Variants in PTPRN2 observed in about 807,000 individuals in gnomAD.
PTPRN2 encodes protein tyrosine phosphatase receptor type N2.
In PTPRN2, 74 loss-of-function variants were observed where a neutral mutation model predicts 118.8. The ratio of observed to expected loss-of-function variants is 0.62; its 90% confidence interval spans 0.52 to 0.76. The LOEUF (loss-of-function observed/expected upper bound fraction) is 0.76. PTPRN2 is among the 30% of genes least tolerant of loss of function. The probability of loss-of-function intolerance (pLI) is 0.00; values close to 1 mark genes in which losing one functional copy is unlikely to be tolerated. For synonymous variants in PTPRN2, 641 were observed against 608.0 expected (o/e 1.05, Z -0.80); for missense variants, 1,481 against 1,394.4 (o/e 1.06, Z -0.99).
chr7:158,185,503 T>C (rs1825061234), intron 5 of PTPRN2, among the ~76,000 whole-genome samples: 1 of 152,230 alleles, frequency 6.6e-6, no homozygotes, highest in South Asian at 2.1e-4. Context: ...TTTAGTACTC[T>C]CATATATTTC....
intron 12 of PTPRN2, among the ~76,000 whole-genome samples, chr7:157,714,702 C>T (rs980973046): frequency 1.3e-5 from 2 of 152,328 alleles, no homozygotes; most frequent in African/African-American, 2.4e-5. Context: ...CCCAGTCCGA[C>T]GTGCTTCTCC....
intron 1 of PTPRN2, among the ~76,000 whole-genome samples, chr7:158,492,695 T>C (rs1821545881): frequency 1.3e-5 from 2 of 152,254 alleles, no homozygotes; most frequent in South Asian, 4.1e-4. Context: ...ATTTGACTGC[T>C]AAGTTATTTG....
At chr7:157,749,156 G>C (rs1360843959) in intron 12 of PTPRN2, among the ~76,000 whole-genome samples, 2 of 18,180 alleles carry the variant, frequency 1.1e-4, no homozygotes, top group Non-Finnish European at 2.1e-4. Context: ...GTGGGCTGTT[G>C]AGGTGATTCT....
intron 12 of PTPRN2, among the ~76,000 whole-genome samples, chr7:157,705,058 G>A (rs1359193879): frequency 6.6e-6 from 1 of 152,146 alleles, no homozygotes; most frequent in African/African-American, 2.4e-5. Flanking sequence ...CTGTAATCCA[G>A]CACTTTGGGA....
At chr7:158,322,226 C>T (rs776967907) in intron 2 of PTPRN2, among the ~76,000 whole-genome samples, 1 of 152,224 alleles carries the variant, frequency 6.6e-6, no homozygotes, top group Admixed American at 6.5e-5. Context: ...GCCAGGACAG[C>T]CGGGAGACAC....
chr7:158,470,946 G>A (rs986887625), intron 2 of PTPRN2, among the ~76,000 whole-genome samples: 21 of 151,982 alleles, frequency 1.4e-4, no homozygotes, highest in African/African-American at 4.4e-4. Context: ...CGATTCTCCT[G>A]CCTCAACCTC....
intron 11 of PTPRN2, among the ~76,000 whole-genome samples, chr7:157,934,922 G>T (rs1799610537): frequency 6.6e-6 from 1 of 152,188 alleles, no homozygotes; most frequent in Non-Finnish European, 1.5e-5. Context: ...GTTTTTGCTG[G>T]AGATAGAACT....
intron 1 of PTPRN2, among the ~76,000 whole-genome samples, chr7:158,515,463 A>C (rs1360658608): frequency 6.6e-6 from 1 of 152,150 alleles, no homozygotes; most frequent in Admixed American, 6.6e-5. Flanking sequence ...CTGGGATTAC[A>C]AGCGTGAGCC....
chr7:158,356,124 A>C (rs1563194366), intron 2 of PTPRN2, among the ~76,000 whole-genome samples: 1 of 152,234 alleles, frequency 6.6e-6, no homozygotes, highest in African/African-American at 2.4e-5. Context: ...GTAAATGATT[A>C]AAGTTTTCAC....
intron 11 of PTPRN2, among the ~76,000 whole-genome samples, chr7:157,961,001 C>A (rs368713293): frequency 6.6e-6 from 1 of 150,938 alleles, no homozygotes; most frequent in Non-Finnish European, 1.5e-5. Context: ...AGCGAGACTC[C>A]GTCTCAAAAA....
intron 12 of PTPRN2, among the ~76,000 whole-genome samples, chr7:157,811,187 C>T (rs1476773597): frequency 2.0e-5 from 3 of 151,056 alleles, no homozygotes; most frequent in African/African-American, 4.9e-5. Flanking sequence ...AGGAGAATGG[C>T]ATGAACCCGG....
chr7:158,343,241 G>A (rs1274669675), intron 2 of PTPRN2, among the ~76,000 whole-genome samples: 1 of 152,100 alleles, frequency 6.6e-6, no homozygotes, highest in Non-Finnish European at 1.5e-5. Context: ...ACGGGTAAAG[G>A]ACCTGAGTAG....
Position 157,974,296 on chromosome 7 carries a change from C to A in PTPRN2, c.1724-75559G>T, listed in dbSNP as rs549102372. On this transcript the variant is annotated intron_variant, in intron 11 of 22. Transcript: ENST00000389418. The surrounding 1 kb of genome is among the most constrained non-coding windows in gnomAD (Gnocchi z 4.0). Reference sequence around the variant, plus strand: ...ACGGTGTCAATGGTGCCACTCCAGCCGGGCCACCCTGCCCACAAGGTCTTC... The same window carrying A: ...ACGGTGTCAATGGTGCCACTCCAGCAGGGCCACCCTGCCCACAAGGTCTTC... Among the ~76,000 whole-genome samples, 1 of 152,216 alleles carries A rather than the reference C, an allele frequency of 6.6e-6. No homozygotes were observed. The highest frequency in any genetic ancestry group is 1.5e-5 in the Non-Finnish European group (1 of 68,044).
At chr7:158,439,296 C>T (rs138743082) in intron 2 of PTPRN2, among the ~76,000 whole-genome samples, 1 of 152,358 alleles carries the variant, frequency 6.6e-6, no homozygotes, top group Non-Finnish European at 1.5e-5. Context: ...AGGCACAAGT[C>T]TCAGGACTTC....
Position 158,563,529 on chromosome 7 carries a change from A to G in PTPRN2, c.112+24029T>C, listed in dbSNP as rs1827507234. 6.6e-6 allele frequency among the ~76,000 whole-genome samples: 1 copy of G among 152,238 alleles called. No homozygotes were observed. The highest frequency in any genetic ancestry group is 2.4e-5 in the African/African-American group (1 of 41,454). The stretch of plus-strand genomic sequence containing the variant: ...CGTGGAAATGCAACTTGATTACAAC[A>G]AACACTTAGTGGAGCTAATCACACA... On this transcript the variant is annotated intron_variant, in intron 1 of 22. Transcript: ENST00000389418. This position sits in a 1 kb window ranked among gnomAD's most constrained non-coding sequence, Gnocchi z 5.1.
At chr7:157,843,358 G>A (rs1269936448) in intron 12 of PTPRN2, among the ~76,000 whole-genome samples, 1 of 152,220 alleles carries the variant, frequency 6.6e-6, no homozygotes, top group Non-Finnish European at 1.5e-5. Context: ...CAATGCAATG[G>A]TGGTTTCCAG....
chr7:157,545,359 G>A (rs762570451), intron 22 of PTPRN2, among the ~76,000 whole-genome samples: 1 of 150,924 alleles, frequency 6.6e-6, no homozygotes, highest in Non-Finnish European at 1.5e-5. Context: ...GTGTGTGCAT[G>A]GGGATGCGCA....
intron 21 of PTPRN2, among the ~76,000 whole-genome samples, chr7:157,557,802 T>C (rs1433480353): frequency 6.6e-6 from 1 of 152,178 alleles, no homozygotes; most frequent in African/African-American, 2.4e-5. Flanking sequence ...TATGTTTTTT[T>C]TTCCTTTGAA....
chr7:157,749,340 G>A lies in PTPRN2; in HGVS notation c.1789-66403C>T, dbSNP rs6953186. On this transcript the variant is annotated intron_variant, in intron 12 of 22. Coordinates refer to ENST00000389418, the MANE Select transcript of PTPRN2 (RefSeq NM_002847.5). ...GTGTCTGGGTGATTCTGAGGCCTGC[G>A]TCCCTGAGCTACAGGCTGTTGAGGT... Among the ~76,000 whole-genome samples, 98 of 136,768 alleles carry A rather than the reference G, an allele frequency of 7.2e-4. 3 individuals carry two copies. The highest frequency in any genetic ancestry group is 2.4e-3 in the African/African-American group (84 of 34,864). The allele number at this position is 136,768 out of a possible 152,430, so 89.7% of individuals were successfully genotyped here. A position where few individuals can be genotyped will look rare whatever the true frequency, so the allele number is the denominator to read the frequency against.
Sources: gnomAD v4.1 joint callset for allele counts (sites outside exome capture counted in the v4.1 genomes callset) on GRCh38, gnomAD v4.1.1 for gene constraint, Gnocchi (gnomAD v3.1) non-coding constraint, MANE v1.5 for transcripts, NCBI Gene and HGNC (gene_info 2026-07-23, HGNC 2026-07-21) for gene names.